The following SLC9D1 variants were observed in gnomAD, a reference collection of about 807,000 sequenced individuals.
The protein encoded by SLC9D1 is solute carrier family 9 member D1.
chr13:113,522,376 T>C, the SLC9D1 span, among the ~76,000 whole-genome samples: 1 of 152,258 alleles, frequency 6.6e-6, no homozygotes, highest in African/African-American at 2.4e-5. Context: ...AGTCTCGCTC[T>C]GTCGCCCAGC....
the SLC9D1 span, among the ~76,000 whole-genome samples, chr13:113,521,206 C>T: frequency 2.7e-5 from 4 of 148,710 alleles, no homozygotes; most frequent in South Asian, 2.1e-4. Flanking sequence ...GTATGTGTGG[C>T]GCACCTGTGG....
the SLC9D1 span, among the ~76,000 whole-genome samples, chr13:113,544,797 A>C: frequency 1.3e-5 from 2 of 152,260 alleles, no homozygotes; most frequent in African/African-American, 4.8e-5. Context: ...TAGCTCCCGC[A>C]GACCCTGTCT....
chr13:113,531,639 T>C, the SLC9D1 span, among the ~76,000 whole-genome samples: 1 of 150,530 alleles, frequency 6.6e-6, no homozygotes, highest in Non-Finnish European at 1.5e-5. Context: ...GCCCCGTACG[T>C]GCAGATCAAG....
the SLC9D1 span, among the ~76,000 whole-genome samples, chr13:113,515,890 C>CAA: frequency 2.0e-3 from 159 of 78,884 alleles, no homozygotes; most frequent in African/African-American, 2.8e-3. Flanking sequence ...GACTCCGTCC[C>CAA]AAAAAAAAAA....
the SLC9D1 span, chr13:113,534,419 G>A: frequency 7.8e-4 from 480 of 615,196 alleles, 1 homozygote; most frequent in Non-Finnish European, 1.1e-3. Context: ...AATACAGGGA[G>A]CTAAACCCGT....
chr13:113,496,059 A>AGAGG, the SLC9D1 span: 1 of 1,424,554 alleles, frequency 7.0e-7, no homozygotes, highest in Admixed American at 2.0e-5. Context: ...AGAGAGAGGG[A>AGAGG]GAGGGAGAGA....
the SLC9D1 span, among the ~76,000 whole-genome samples, chr13:113,493,372 T>A: frequency 1.3e-5 from 2 of 152,256 alleles, no homozygotes; most frequent in Non-Finnish European, 2.9e-5. Context: ...ATCTCAGATT[T>A]CTGTCTTGGT....
At chr13:113,498,503 T>C in the SLC9D1 span, 3 of 1,586,566 alleles carry the variant, frequency 1.9e-6, no homozygotes, top group South Asian at 2.4e-5. Flanking sequence ...AGGAACATGC[T>C]TTTGACGACA....
the SLC9D1 span, among the ~76,000 whole-genome samples, chr13:113,518,688 T>C: frequency 6.6e-6 from 1 of 152,118 alleles, no homozygotes; most frequent in South Asian, 2.1e-4. Context: ...CACAAGCCCA[T>C]GCGAGCCTTA....
the SLC9D1 span, chr13:113,535,240 T>G: frequency 6.6e-6 from 1 of 152,250 alleles, no homozygotes; most frequent in African/African-American, 2.4e-5. This position sits in a 1 kb window ranked among gnomAD's most constrained non-coding sequence, Gnocchi z 4.1. Context: ...ATTAACTGTA[T>G]AAGTTCTGCC....
chr13:113,505,432 T>C, the SLC9D1 span: 2 of 152,244 alleles, frequency 1.3e-5, no homozygotes, highest in Non-Finnish European at 2.9e-5. Context: ...TAAGAAACAG[T>C]GGAACCAGTC....
chr13:113,512,887 G>A, the SLC9D1 span, among the ~76,000 whole-genome samples: 1 of 150,820 alleles, frequency 6.6e-6, no homozygotes, highest in Non-Finnish European at 1.5e-5. Context: ...GAGAGGGTCA[G>A]TATATATGGA....
chr13:113,491,567 G>C, the SLC9D1 span, among the ~76,000 whole-genome samples: 1 of 151,896 alleles, frequency 6.6e-6, no homozygotes, highest in Non-Finnish European at 1.5e-5. Context: ...TCTCCTCGGG[G>C]CTCCCCTTTT....
the SLC9D1 span, among the ~76,000 whole-genome samples, chr13:113,521,272 T>G: frequency 6.7e-5 from 10 of 148,296 alleles, no homozygotes; most frequent in South Asian, 4.4e-4. Flanking sequence ...GGTATGTCTG[T>G]GGGGGGGTAT....
chr13:113,531,407 G>A, the SLC9D1 span, among the ~76,000 whole-genome samples: 1 of 152,162 alleles, frequency 6.6e-6, no homozygotes, highest in Non-Finnish European at 1.5e-5. Flanking sequence ...TGGACACGGC[G>A]CCCCGTATGT....
chr13:113,495,164 T>C, the SLC9D1 span, among the ~76,000 whole-genome samples: 3 of 152,232 alleles, frequency 2.0e-5, no homozygotes, highest in Non-Finnish European at 4.4e-5. Context: ...CAACATGGAC[T>C]CTCTTAAATA....
At chr13:113,496,280 G>A in the SLC9D1 span, among the ~76,000 whole-genome samples, 1 of 152,298 alleles carries the variant, frequency 6.6e-6, no homozygotes, top group Admixed American at 6.5e-5. Flanking sequence ...TCTAGAAGGA[G>A]CCAGTCTCAT....
At chr13:113,492,075 G>T in the SLC9D1 span, among the ~76,000 whole-genome samples, 1 of 152,146 alleles carries the variant, frequency 6.6e-6, no homozygotes, top group Admixed American at 6.5e-5. Flanking sequence ...GCTGGTCAAG[G>T]CTCAAGCGAT....
At chr13:113,512,451 C>T in the SLC9D1 span, among the ~76,000 whole-genome samples, 1 of 146,360 alleles carries the variant, frequency 6.8e-6, no homozygotes, top group Non-Finnish European at 1.5e-5. Flanking sequence ...AGACTCAGAG[C>T]CTCAGTGGCC....
Sources: gnomAD v4.1 joint callset for allele counts (sites outside exome capture counted in the v4.1 genomes callset) on GRCh38, gnomAD v4.1.1 for gene constraint, Gnocchi (gnomAD v3.1) non-coding constraint, MANE v1.5 for transcripts, NCBI Gene and HGNC (gene_info 2026-07-23, HGNC 2026-07-21) for gene names.